The following PATJ variants were observed in gnomAD, a reference collection of about 807,000 sequenced individuals.
The protein encoded by PATJ is inaD-like protein.
In PATJ, 190 loss-of-function variants were observed where a neutral mutation model predicts 224.9. The ratio of observed to expected loss-of-function variants is 0.84; its 90% CI spans 0.75 to 0.95. The LOEUF is 0.95. PATJ is among the 40% of genes least tolerant of loss of function. PATJ has a pLI of 0.00. For synonymous variants in PATJ, 769 were observed against 820.3 expected (o/e 0.94, Z 1.07); for missense variants, 2,121 against 2,270.3 (o/e 0.93, Z 1.34).
chr1:62,122,004 T>C (rs910083940), intron 38 of PATJ, among the ~76,000 whole-genome samples: 1 of 150,226 alleles, frequency 6.7e-6, no homozygotes, highest in African/African-American at 2.4e-5. Flanking sequence ...GGACAAGGGG[T>C]CCTTTTAAGT....
chr1:61,768,177 A>T (rs1280502419), intron 4 of PATJ, among the ~76,000 whole-genome samples: 1 of 151,988 alleles, frequency 6.6e-6, no homozygotes, highest in East Asian at 1.9e-4. Flanking sequence ...TAATAAATAG[A>T]ATATCAATTG....
intron 27 of PATJ, among the ~76,000 whole-genome samples, chr1:61,948,286 A>G (rs1679069392): frequency 1.3e-5 from 2 of 152,186 alleles, no homozygotes. Context: ...ATCCTACAGA[A>G]TGGGAGAAAA....
chr1:61,826,542 G>A (rs1427389871), intron 15 of PATJ, among the ~76,000 whole-genome samples: 1 of 152,136 alleles, frequency 6.6e-6, no homozygotes, highest in African/African-American at 2.4e-5. Context: ...GAGACCTATA[G>A]TTAGAACTGA....
chr1:62,031,350 G>A (rs557571688), intron 29 of PATJ, among the ~76,000 whole-genome samples: 27 of 152,166 alleles, frequency 1.8e-4, no homozygotes, highest in East Asian at 1.2e-3. Flanking sequence ...ATTACACTCC[G>A]CTGTAATATT....
chr1:62,068,360 G>A (rs1011417847), intron 31 of PATJ, among the ~76,000 whole-genome samples: 1 of 152,204 alleles, frequency 6.6e-6, no homozygotes. Flanking sequence ...CTTGCAGGCA[G>A]CGTGTGGTTG....
In PATJ at chr1:62,084,520, T is replaced by G. The variant is rs141746566; in HGVS notation, c.4249T>G (p.Phe1417Val). 5.5e-5 allele frequency: 89 copies of G among 1,608,734 alleles called. No individual in the cohort carries two copies. Among genetic ancestry groups the G allele is most frequent in the Non-Finnish European group, 7.6e-5 (89 of 1,178,430 alleles). The change falls in exon 33 of 44, where the codon TTC becomes GTC. Residue 1417 changes from phenylalanine (F) to valine (V), a missense_variant. Phe to Val is a conservative substitution (Grantham distance 50). Coordinates refer to ENST00000642238, the MANE Select transcript of PATJ (RefSeq NM_001350145.3). ...TGTGTTCAATTCTTTTCCAGGTGGTTTCCAGGCTCCTCTGTCAGTGGACCC... is the reference window on the plus strand; with the variant it reads ...TGTGTTCAATTCTTTTCCAGGTGGTGTCCAGGCTCCTCTGTCAGTGGACCC... The part of the protein sequence containing the change: ...TDADFTGYGG[F>V]QAPLSVDPAT...
chr1:62,106,709 C>A (rs571784338), intron 33 of PATJ, among the ~76,000 whole-genome samples: 1 of 152,110 alleles, frequency 6.6e-6, no homozygotes, highest in African/African-American at 2.4e-5. Flanking sequence ...ACATTGATGA[C>A]GCCCCTGTGG....
chr1:61,992,823 C>T (rs1282614473), intron 28 of PATJ, among the ~76,000 whole-genome samples: 2 of 152,122 alleles, frequency 1.3e-5, no homozygotes, highest in African/African-American at 2.4e-5. Flanking sequence ...GAAGACCTAC[C>T]GTAACTTGTC....
intron 29 of PATJ, among the ~76,000 whole-genome samples, chr1:62,025,796 C>G (rs1243849298): frequency 6.6e-6 from 1 of 152,182 alleles, no homozygotes. Context: ...GCACTCCACC[C>G]TGGGTGACAG....
At chr1:61,808,270 T>G (rs972153542) in intron 13 of PATJ, among the ~76,000 whole-genome samples, 1 of 152,194 alleles carries the variant, frequency 6.6e-6, no homozygotes, top group African/African-American at 2.4e-5. Flanking sequence ...GAAAAAAGAT[T>G]GTTGTGGAGA....
intron 22 of PATJ, among the ~76,000 whole-genome samples, chr1:61,895,003 A>G (rs1338085856): frequency 2.0e-5 from 3 of 152,250 alleles, no homozygotes; most frequent in Non-Finnish European, 2.9e-5. Flanking sequence ...TTTAGCAAAA[A>G]GACTGGCAGC....
chr1:62,004,105 G>A (rs997613535), intron 28 of PATJ, among the ~76,000 whole-genome samples: 1 of 152,104 alleles, frequency 6.6e-6, no homozygotes, highest in Non-Finnish European at 1.5e-5. Flanking sequence ...TGAGACAATT[G>A]CTTCTTGTTT....
At chr1:62,049,243 TCACACACACACACACACACACACA>T (rs60099928) in intron 30 of PATJ, among the ~76,000 whole-genome samples, 2 of 137,198 alleles carry the variant, frequency 1.5e-5, no homozygotes, top group African/African-American at 5.5e-5. Flanking sequence ...AAGTAAGCAA[TCACACACACACACACACACACACA>T]CACACACACA....
At chr1:62,160,590 CATGAT>C (rs1669752023) in intron 43 of PATJ, among the ~76,000 whole-genome samples, 1 of 152,106 alleles carries the variant, frequency 6.6e-6, no homozygotes, top group African/African-American at 2.4e-5. Flanking sequence ...ATGAATAGGA[CATGAT>C]ATGACATCCA....
intron 33 of PATJ, among the ~76,000 whole-genome samples, chr1:62,094,797 G>A (rs1661205321): frequency 6.6e-6 from 1 of 152,080 alleles, no homozygotes; most frequent in East Asian, 1.9e-4. Flanking sequence ...CTTCTTGAGG[G>A]ATTTTGTAAA....
At chr1:61,781,124 T>C (rs1486390781) in intron 7 of PATJ, among the ~76,000 whole-genome samples, 3 of 152,212 alleles carry the variant, frequency 2.0e-5, no homozygotes, top group African/African-American at 4.8e-5. Context: ...AAAGTCAGGA[T>C]TGAGCCCGTA....
At chr1:61,962,928 C>G (rs750612624) in intron 27 of PATJ, among the ~76,000 whole-genome samples, 1 of 152,210 alleles carries the variant, frequency 6.6e-6, no homozygotes, top group Non-Finnish European at 1.5e-5. Context: ...AAAGGGCAAC[C>G]TTCCTCCTTT....
At position 62,018,085 on chromosome 1, in the gene PATJ, CT is replaced by C. The variant is rs1458570816; in HGVS notation, c.3959+140del. On this transcript the variant is annotated intron_variant, in intron 29 of 43. Coordinates refer to ENST00000642238, the MANE Select transcript of PATJ (RefSeq NM_001350145.3). This position sits in a 1 kb window ranked among gnomAD's most constrained non-coding sequence, Gnocchi z 4.2. ...ACATATATTCCTTTTGTAACTGTCACTTCAAGAAAAGTATTGATTGTTTTGA... is the reference window on the plus strand; with the variant it reads ...ACATATATTCCTTTTGTAACTGTCACTCAAGAAAAGTATTGATTGTTTTGA... The C allele has an allele frequency of 5.6e-6, 3 of 532,284 alleles. No homozygotes were observed. Among genetic ancestry groups the C allele is most frequent in the Admixed American group, 2.8e-5 (1 of 35,478 alleles). 33.0% of individuals were successfully genotyped at this position (532,284 alleles called of 1,614,324 possible).
At chr1:61,758,693 G>A (rs7549691) in intron 1 of PATJ, among the ~76,000 whole-genome samples, 37,220 of 152,066 alleles carry the variant, frequency 0.24, 5,261 homozygotes, top group South Asian at 0.45. Flanking sequence ...TCAACCTTGG[G>A]ACACAAGTTT....
Sources: allele counts gnomAD v4.1 joint callset (sites outside exome capture counted in the v4.1 genomes callset), GRCh38; gene constraint gnomAD v4.1.1; non-coding constraint Gnocchi (gnomAD v3.1); transcripts MANE v1.5; gene names NCBI Gene and HGNC (gene_info 2026-07-23, HGNC 2026-07-21).